ILDR2: variants seen among roughly 807,000 people sequenced by gnomAD.
ILDR2 encodes immunoglobulin-like domain-containing receptor 2.
ILDR2 carries 25 observed loss-of-function variants against 66.8 expected under a neutral mutation model. The observed-to-expected ratio is 0.37, with a 90% CI of 0.27 to 0.52. The LOEUF (loss-of-function observed/expected upper bound fraction) is 0.52, where lower values mean the gene tolerates loss of function less well. ILDR2 is among the 20% of genes least tolerant of loss of function. The probability of loss-of-function intolerance (pLI) is 0.88; values close to 1 mark genes in which losing one functional copy is unlikely to be tolerated. For synonymous variants in ILDR2, 367 were observed against 357.2 expected (o/e 1.03, Z -0.31); for missense variants, 827 against 876.8 (o/e 0.94, Z 0.72).
rs1003708240 is a variant in ILDR2, at chr1:166,918,310, C to T, written c.*1045G>A. ...GAACTGGGATGGCAGAAACAATTAA[C>T]GGCAAGTGAAGCACAAAACCGGAAA... On this transcript the variant is annotated 3_prime_UTR_variant, in exon 10 of 10. Coordinates refer to ENST00000271417, the MANE Select transcript of ILDR2 (RefSeq NM_199351.3). 2.0e-5 allele frequency: 3 copies of T among 152,244 alleles called. No individual in the cohort carries two copies. The highest frequency in any genetic ancestry group is 1.9e-4 in the East Asian group (1 of 5,172). 9.4% of individuals were successfully genotyped at this position (152,244 alleles called of 1,614,324 possible).
At chr1:166,926,917 G>T in intron 7 of ILDR2, 150 bp downstream of exon 7, 1 of 524,822 alleles carries the variant, frequency 1.9e-6, no homozygotes, top group South Asian at 3.2e-5. Flanking sequence ...TCTGTGTACT[G>T]AGAGCTACTT....
chr1:166,897,058 A>C (rs1361153727), intron 2 of ILDR2, among the ~76,000 whole-genome samples: 1 of 152,238 alleles, frequency 6.6e-6, no homozygotes, highest in Non-Finnish European at 1.5e-5. Flanking sequence ...GTTTTTGTGC[A>C]GGACAAGAAT....
chr1:166,922,621 T>C lies in ILDR2; in HGVS notation c.1183A>G (p.Lys395Glu), dbSNP rs1338442872. The C allele has an allele frequency of 6.2e-7, 1 of 1,614,088 alleles. No individual in the cohort carries two copies. Among genetic ancestry groups the C allele is most frequent in the East Asian group, 2.2e-5 (1 of 44,872 alleles). Residue 395 changes from lysine (K) to glutamate (E), a missense_variant, in exon 8 of 10, where the codon AAA becomes GAA. Transcript: ENST00000271417. ...SRGPSAMEYN[K>E]EDRESFRHSQ... ...TGCCTGAAGCTCTCTCGATCCTCTT[T>C]GTTATACTCCATGGCTGAGGGCCCG...
chr1:166,960,540 C>T (rs577087810), intron 1 of ILDR2, among the ~76,000 whole-genome samples: 3 of 152,258 alleles, frequency 2.0e-5, no homozygotes, highest in South Asian at 2.1e-4. Flanking sequence ...TCATTGGGCA[C>T]CTTCAGAGAG....
intron 3 of ILDR2, among the ~76,000 whole-genome samples, chr1:166,941,493 T>C (rs1330646352): frequency 6.6e-6 from 1 of 152,200 alleles, no homozygotes; most frequent in Non-Finnish European, 1.5e-5. Flanking sequence ...GAGTGTTCTC[T>C]ATAAAAATAT....
chr1:166,942,498 T>G (rs1327850322), intron 3 of ILDR2, among the ~76,000 whole-genome samples: 1 of 152,212 alleles, frequency 6.6e-6, no homozygotes, highest in Non-Finnish European at 1.5e-5. Context: ...GTGAAATAAC[T>G]TGATTTTCAA....
chr1:166,970,944 T>C (rs961649599), intron 1 of ILDR2, among the ~76,000 whole-genome samples: 2 of 152,142 alleles, frequency 1.3e-5, no homozygotes, highest in Non-Finnish European at 2.9e-5. Flanking sequence ...ATAACGGAAG[T>C]TGAGGTGTCA....
downstream of ILDR2, among the ~76,000 whole-genome samples, chr1:166,906,764 G>A (rs1008422450): frequency 6.6e-6 from 1 of 152,210 alleles, no homozygotes; most frequent in African/African-American, 2.4e-5. Flanking sequence ...TTTCTGCTTA[G>A]GAAACATTTG....
Position 166,950,144 on chromosome 1 carries a change from C to T in ILDR2, c.499+6589G>A, listed in dbSNP as rs985451616. ...AAAGAAGTAGCCTCCAAATTTATGG[C>T]GAAAGTGTGGCTCTGTAATTAATTC... On this transcript the variant is annotated intron_variant, in intron 3 of 9. Coordinates refer to ENST00000271417, the MANE Select transcript of ILDR2 (RefSeq NM_199351.3). 5.9e-5 allele frequency among the ~76,000 whole-genome samples: 9 copies of T among 152,214 alleles called. No homozygotes were observed. In the East Asian group the frequency reaches 7.7e-4, roughly 13 times the overall value.
intron 1 of ILDR2, among the ~76,000 whole-genome samples, chr1:166,973,064 T>C (rs1230472222): frequency 6.6e-6 from 1 of 151,922 alleles, no homozygotes; most frequent in Non-Finnish European, 1.5e-5. Flanking sequence ...AGTGATGGGA[T>C]GAGGAGAAAG....
intron 2 of ILDR2, among the ~76,000 whole-genome samples, chr1:166,896,311 G>A (rs1659165631): frequency 6.6e-6 from 1 of 152,102 alleles, no homozygotes. Context: ...AGGTGCTGGT[G>A]CTGCTGCTGT....
At chr1:166,956,274 G>C (rs369310862) in intron 3 of ILDR2, among the ~76,000 whole-genome samples, 2 of 152,160 alleles carry the variant, frequency 1.3e-5, no homozygotes, top group African/African-American at 4.8e-5. Flanking sequence ...GTTTACAGCT[G>C]TCTTTTCTTA....
chr1:166,896,598 AT>A (rs1659171155), intron 2 of ILDR2, among the ~76,000 whole-genome samples: 1 of 150,424 alleles, frequency 6.6e-6, no homozygotes, highest in African/African-American at 2.4e-5. Flanking sequence ...GAAATTTTGG[AT>A]CAAATAAATT....
In ILDR2 at chr1:166,958,009, A is replaced by G; in HGVS notation, c.139T>C (p.Ser47Pro). 1 of 1,614,054 alleles carries G rather than the reference A, an allele frequency of 6.2e-7. No individual in the cohort carries two copies. The highest frequency in any genetic ancestry group is 8.5e-7 in the Non-Finnish European group (1 of 1,180,014). The change falls in exon 2 of 10, where the codon TCC becomes CCC. Residue 47 changes from serine (S) to proline (P), a missense_variant. By Grantham distance (74) the Ser-to-Pro change is moderately conservative (BLOSUM62 -1). Transcript: ENST00000271417. ...TGCACAACTGCAGGCTGATGGGAGG[A>G]TGTTGAGAAGTGGCAGCGAAGCACA... ...PTVLRCHFST[S>P]SHQPAVVQWK...
intron 3 of ILDR2, among the ~76,000 whole-genome samples, chr1:166,946,168 A>G (rs963172253): frequency 3.9e-5 from 6 of 152,186 alleles, no homozygotes; most frequent in Middle Eastern, 3.2e-3. Flanking sequence ...TGGAATCCCA[A>G]ATAGATTGGA....
At chr1:166,952,296 A>T (rs1194942309) in intron 3 of ILDR2, among the ~76,000 whole-genome samples, 1 of 152,162 alleles carries the variant, frequency 6.6e-6, no homozygotes, top group Non-Finnish European at 1.5e-5. Context: ...AGACACTCCC[A>T]TCTTCTGTGA....
chr1:166,972,764 G>A (rs1330764824), intron 1 of ILDR2, among the ~76,000 whole-genome samples: 1 of 152,128 alleles, frequency 6.6e-6, no homozygotes, highest in Non-Finnish European at 1.5e-5. Context: ...GGGAGAGAAA[G>A]GGAGGGAGAG....
downstream of ILDR2, among the ~76,000 whole-genome samples, chr1:166,906,722 T>C (rs1262454172): frequency 2.0e-5 from 3 of 152,226 alleles, no homozygotes; most frequent in Non-Finnish European, 2.9e-5. Context: ...GCCAGGTATC[T>C]TAATTTCAAC....
At chr1:166,922,028 A>C (rs1458479048) in intron 8 of ILDR2, among the ~76,000 whole-genome samples, 1 of 152,162 alleles carries the variant, frequency 6.6e-6, no homozygotes, top group Non-Finnish European at 1.5e-5. Context: ...CCCAGCTTAA[A>C]ATAGGGGCAT....
Sources: allele counts gnomAD v4.1 joint callset (sites outside exome capture counted in the v4.1 genomes callset), GRCh38; gene constraint gnomAD v4.1.1; transcripts MANE v1.5; gene names NCBI Gene and HGNC (gene_info 2026-07-23, HGNC 2026-07-21).